The following DEPDC1B variants were observed in gnomAD, a reference collection of about 807,000 sequenced individuals.
DEPDC1B encodes the protein DEP domain-containing protein 1B.
A neutral mutation model predicts 66.5 loss-of-function variants in DEPDC1B; 51 were observed. The ratio of observed to expected loss-of-function variants is 0.77; its 90% CI spans 0.61 to 0.97. The LOEUF (loss-of-function observed/expected upper bound fraction) is 0.97. DEPDC1B is among the 50% of genes least tolerant of loss of function. DEPDC1B has a pLI of 0.00. For synonymous variants in DEPDC1B, 226 were observed against 223.6 expected (o/e 1.01, Z -0.10); for missense variants, 552 against 637.1 (o/e 0.87, Z 1.44).
intron 2 of DEPDC1B, among the ~76,000 whole-genome samples, chr5:60,672,739 A>G (rs1284135716): frequency 1.3e-5 from 2 of 152,236 alleles, no homozygotes; most frequent in East Asian, 3.8e-4. Context: ...AGAGAGTGTC[A>G]GCATTTTGCT....
intron 2 of DEPDC1B, among the ~76,000 whole-genome samples, chr5:60,674,389 C>T (rs1754111337): frequency 1.3e-5 from 2 of 152,236 alleles, no homozygotes; most frequent in African/African-American, 4.8e-5. Flanking sequence ...AACACACCTA[C>T]ATGTACTAGT....
chr5:60,625,124 T>C (rs1224974060), intron 7 of DEPDC1B, among the ~76,000 whole-genome samples: 1 of 152,192 alleles, frequency 6.6e-6, no homozygotes, highest in East Asian at 1.9e-4. Context: ...ATGTGCTACA[T>C]TGTCTTCATC....
intron 6 of DEPDC1B, among the ~76,000 whole-genome samples, chr5:60,641,538 G>A (rs1396076823): frequency 6.6e-6 from 1 of 151,876 alleles, no homozygotes; most frequent in Non-Finnish European, 1.5e-5. Flanking sequence ...ATGTTAGCCA[G>A]GATGGTCTCC....
At chr5:60,614,926 G>C (rs1045994116) in intron 7 of DEPDC1B, among the ~76,000 whole-genome samples, 4 of 152,188 alleles carry the variant, frequency 2.6e-5, no homozygotes, top group African/African-American at 9.7e-5. Flanking sequence ...GGGAAGCAGA[G>C]GTTGCTGTCA....
intron 7 of DEPDC1B, among the ~76,000 whole-genome samples, chr5:60,632,930 G>A (rs565709326): frequency 1.2e-4 from 19 of 152,336 alleles, no homozygotes; most frequent in East Asian, 5.8e-4. Context: ...TTGTCCTGAC[G>A]CCAGCAGAAT....
At chr5:60,623,145 T>C (rs1266480886) in intron 7 of DEPDC1B, among the ~76,000 whole-genome samples, 1 of 152,196 alleles carries the variant, frequency 6.6e-6, no homozygotes, top group African/African-American at 2.4e-5. Context: ...TGTGATCCAG[T>C]CCAAAGTAAA....
chr5:60,602,952 C>A (rs528743716), intron 9 of DEPDC1B, among the ~76,000 whole-genome samples: 1 of 152,144 alleles, frequency 6.6e-6, no homozygotes, highest in Non-Finnish European at 1.5e-5. Flanking sequence ...GCACTGATTA[C>A]AGAGGCTGAC....
At chr5:60,661,969 C>T (rs992002054) in intron 2 of DEPDC1B, among the ~76,000 whole-genome samples, 1 of 152,132 alleles carries the variant, frequency 6.6e-6, no homozygotes, top group African/African-American at 2.4e-5. Context: ...GAAAGAAAAT[C>T]CTATTGCCTT....
intron 6 of DEPDC1B, among the ~76,000 whole-genome samples, chr5:60,641,349 C>CTT (rs11326495): frequency 6.2e-5 from 8 of 128,646 alleles, no homozygotes; most frequent in African/African-American, 2.0e-4. Flanking sequence ...TGATCAACTT[C>CTT]TTTTTTTTTT....
chr5:60,611,930 T>C (rs2111739073), intron 7 of DEPDC1B, among the ~76,000 whole-genome samples: 1 of 152,276 alleles, frequency 6.6e-6, no homozygotes, highest in East Asian at 1.9e-4. Flanking sequence ...AACAACAGAT[T>C]TCCAATGTAG....
chr5:60,646,068 G>T (rs1359855700), intron 3 of DEPDC1B, among the ~76,000 whole-genome samples: 3 of 152,176 alleles, frequency 2.0e-5, no homozygotes, highest in Non-Finnish European at 4.4e-5. Context: ...CAAATATCAA[G>T]TAAGTGCAAT....
rs764926453 is a variant in DEPDC1B, at chr5:60,647,367, A to C, written c.450+31T>G. 4.3e-5 allele frequency: 68 copies of C among 1,567,944 alleles called. No homozygotes were observed. In the Admixed American group the frequency reaches 1.2e-3, roughly 28 times the overall value. On this transcript the variant is annotated intron_variant, in intron 3 of 10. Coordinates refer to ENST00000265036, the MANE Select transcript of DEPDC1B (RefSeq NM_018369.3). Reference sequence around the variant, plus strand: ...TTCATGGATGATTCTCCCTGCTGCCAGCCCTTCCATCTTTCAGTCATGGCA... The same window carrying C: ...TTCATGGATGATTCTCCCTGCTGCCCGCCCTTCCATCTTTCAGTCATGGCA...
intron 2 of DEPDC1B, among the ~76,000 whole-genome samples, chr5:60,650,670 G>A (rs934508470): frequency 6.6e-6 from 1 of 152,124 alleles, no homozygotes; most frequent in African/African-American, 2.4e-5. Flanking sequence ...GGGAAAGTAT[G>A]GACTGTTCAA....
chr5:60,664,747 G>C (rs1217489543), intron 2 of DEPDC1B, among the ~76,000 whole-genome samples: 1 of 152,132 alleles, frequency 6.6e-6, no homozygotes, highest in African/African-American at 2.4e-5. Context: ...CTAGCGCTCA[G>C]GTGGCAGAAC....
At chr5:60,641,435 C>T (rs1180200897) in intron 6 of DEPDC1B, among the ~76,000 whole-genome samples, 1 of 150,820 alleles carries the variant, frequency 6.6e-6, no homozygotes, top group African/African-American at 2.4e-5. Context: ...TGCCATTCTC[C>T]TGCCTCAGCC....
rs747889040 is a variant in DEPDC1B, at chr5:60,700,107, C to T, written c.-14G>A. On this transcript the variant is annotated 5_prime_UTR_variant, in exon 1 of 11. Transcript: ENST00000265036. ...GCGATGCTCCATGGCGCGTAGGCAG[C>T]AGCGGCCGCAGCCGCGCCAGCGCTG... The T allele has an allele frequency of 1.9e-6, 3 of 1,544,980 alleles. No individual in the cohort carries two copies. The highest frequency in any genetic ancestry group is 2.6e-6 in the Non-Finnish European group (3 of 1,147,474).
intron 2 of DEPDC1B, among the ~76,000 whole-genome samples, chr5:60,663,849 A>T (rs1430333320): frequency 1.3e-5 from 2 of 152,252 alleles, no homozygotes; most frequent in African/African-American, 4.8e-5. Flanking sequence ...CTCTGCTTAC[A>T]GCAGGTTAAA....
At chr5:60,641,420 G>A (rs1584056056) in intron 6 of DEPDC1B, among the ~76,000 whole-genome samples, 1 of 149,940 alleles carries the variant, frequency 6.7e-6, no homozygotes, top group South Asian at 2.1e-4. Context: ...ACAATCTCGG[G>A]TTCATGCCAT....
intron 1 of DEPDC1B, among the ~76,000 whole-genome samples, chr5:60,698,388 T>G (rs537214670): frequency 6.6e-6 from 1 of 152,340 alleles, no homozygotes; most frequent in African/African-American, 2.4e-5. Context: ...AAGCTGAAAC[T>G]TCCTTTTAGC....
Sources: allele counts gnomAD v4.1 joint callset (sites outside exome capture counted in the v4.1 genomes callset), GRCh38; gene constraint gnomAD v4.1.1; transcripts MANE v1.5; gene names NCBI Gene and HGNC (gene_info 2026-07-23, HGNC 2026-07-21).